ATP2B2: variants seen among roughly 807,000 people sequenced by gnomAD.
The protein encoded by ATP2B2 is plasma membrane calcium-transporting ATPase 2.
In ATP2B2, 15 loss-of-function variants were observed where a neutral mutation model predicts 120.0. That is an observed-to-expected ratio of 0.12 (90% CI 0.08 to 0.19). The LOEUF (loss-of-function observed/expected upper bound fraction) is 0.19. Among genes scored for constraint, ATP2B2 ranks in the 10% least tolerant of loss-of-function variants. The probability of loss-of-function intolerance (pLI) is 1.00; values close to 1 mark genes in which losing one functional copy is unlikely to be tolerated. For missense variants in ATP2B2, 1,045 were observed against 1,719.8 expected (o/e 0.61, Z 6.94); for synonymous variants, 694 against 700.3 (o/e 0.99, Z 0.14).
intron 22 of ATP2B2, among the ~76,000 whole-genome samples, chr3:10,331,711 A>G (rs1407562409): frequency 2.1e-5 from 2 of 95,764 alleles, no homozygotes; most frequent in Non-Finnish European, 4.4e-5. Context: ...TAAAGGTAGG[A>G]ATTTTTTTTT....
At chr3:10,707,938 TGCTGCCGCCGCCGCTGCCGCCGCC>T (rs1207313406) in exon 1 of ATP2B2, 2 of 150,874 alleles carry the variant, frequency 1.3e-5, no homozygotes, top group Non-Finnish European at 3.0e-5. Context: ...GAGAGCGAGA[TGCTGCCGCCGCCGCTGCCGCCGCC>T]GCTGCCGCTG....
intron 3 of ATP2B2, among the ~76,000 whole-genome samples, chr3:10,530,424 G>T (rs2067186799): frequency 1.3e-5 from 2 of 152,218 alleles, no homozygotes; most frequent in Admixed American, 1.3e-4. Context: ...ACGACCTGCG[G>T]CCGGAGTGTC....
intron 19 of ATP2B2, among the ~76,000 whole-genome samples, chr3:10,341,881 A>C (rs2060288971): frequency 6.9e-6 from 1 of 144,534 alleles, no homozygotes; most frequent in Admixed American, 6.7e-5. Flanking sequence ...CTACTTTCAA[A>C]ATTTATAAAA....
intron 1 of ATP2B2, among the ~76,000 whole-genome samples, chr3:10,666,806 G>A (rs2070950978): frequency 6.6e-6 from 1 of 152,236 alleles, no homozygotes; most frequent in Non-Finnish European, 1.5e-5. Context: ...CCCGCCCTGA[G>A]ACCTGCTTTT....
chr3:10,604,168 A>G (rs185041847), intron 2 of ATP2B2, among the ~76,000 whole-genome samples: 1 of 152,238 alleles, frequency 6.6e-6, no homozygotes, highest in East Asian at 1.9e-4. Context: ...ACACTCTCCA[A>G]GTCAATCTCT....
At chr3:10,434,776 G>T (rs1270218108) in intron 2 of ATP2B2, among the ~76,000 whole-genome samples, 1 of 152,248 alleles carries the variant, frequency 6.6e-6, no homozygotes, top group Admixed American at 6.5e-5. Context: ...TAGCCCATGA[G>T]GCCCAGGCCG....
chr3:10,387,890 G>A (rs2061727577), intron 6 of ATP2B2: 1 of 322,270 alleles, frequency 3.1e-6, no homozygotes, highest in Admixed American at 4.1e-5. Context: ...GCTCAGTGGA[G>A]TTGACAATAT....
intron 1 of ATP2B2, among the ~76,000 whole-genome samples, chr3:10,499,287 C>T (rs766717436): frequency 1.3e-5 from 2 of 152,194 alleles, no homozygotes; most frequent in African/African-American, 4.8e-5. Context: ...CTACCTGGAC[C>T]ACACCCGGGC....
In ATP2B2 at chr3:10,347,690, C is replaced by T. The variant is rs1364386299; in HGVS notation, c.2405-1553G>A. On this transcript the variant is annotated intron_variant, in intron 16 of 22. Coordinates refer to ENST00000360273, the MANE Select transcript of ATP2B2 (RefSeq NM_001001331.4). The surrounding 1 kb of genome is among the most constrained non-coding windows in gnomAD (Gnocchi z 5.2). The stretch of plus-strand genomic sequence containing the variant: ...ATAGTTCCCTCAGTCAGCCTGGGGG[C>T]TCCTCCAAGGCAGGGACGGGTCAAA... Among the ~76,000 whole-genome samples, 1 of 152,218 alleles carries T rather than the reference C, an allele frequency of 6.6e-6. No individual in the cohort carries two copies. The highest frequency in any genetic ancestry group is 1.5e-5 in the Non-Finnish European group (1 of 68,032).
chr3:10,410,558 C>G (rs41293355), intron 3 of ATP2B2, 60 bp downstream of exon 3: 27 of 1,522,634 alleles, frequency 1.8e-5, no homozygotes, highest in Non-Finnish European at 2.3e-5. Context: ...TGAGTGCCCC[C>G]CAGCGTGGAT....
At chr3:10,461,625 C>T (rs2064494961) in intron 1 of ATP2B2, among the ~76,000 whole-genome samples, 1 of 152,150 alleles carries the variant, frequency 6.6e-6, no homozygotes, top group African/African-American at 2.4e-5. Flanking sequence ...CTGCAGCCCC[C>T]ACCCTGCAGA....
intron 2 of ATP2B2, among the ~76,000 whole-genome samples, chr3:10,575,055 GA>G (rs765524951): frequency 1.3e-5 from 2 of 152,212 alleles, no homozygotes; most frequent in African/African-American, 2.4e-5. Flanking sequence ...TGGTATTTCT[GA>G]ATCCTTGGTG....
chr3:10,633,372 T>C (rs1039688712), intron 1 of ATP2B2, among the ~76,000 whole-genome samples: 7 of 152,206 alleles, frequency 4.6e-5, no homozygotes, highest in African/African-American at 1.7e-4. Context: ...CCATCCTGGA[T>C]TTGCCGCTCC....
intron 3 of ATP2B2, among the ~76,000 whole-genome samples, chr3:10,525,823 T>C (rs2067079486): frequency 6.6e-6 from 1 of 151,494 alleles, no homozygotes; most frequent in African/African-American, 2.4e-5. Context: ...CATGCCTCAA[T>C]TAAAAAAAAA....
intron 2 of ATP2B2, among the ~76,000 whole-genome samples, chr3:10,601,382 C>T (rs895438477): frequency 6.6e-6 from 1 of 152,140 alleles, no homozygotes; most frequent in African/African-American, 2.4e-5. Flanking sequence ...CAGCCTCAAC[C>T]CCCTGAGTGG....
intron 1 of ATP2B2, among the ~76,000 whole-genome samples, chr3:10,641,097 A>T (rs4293686): frequency 1 from 152,336 of 152,336 alleles, 76,168 homozygotes; most frequent in Non-Finnish European, 1. Flanking sequence ...CCTTGGGACA[A>T]CAATTGAATT....
At chr3:10,386,620 T>C (rs1198515798) in intron 6 of ATP2B2, 108 bp from the exon 7 acceptor site, 4 of 1,222,876 alleles carry the variant, frequency 3.3e-6, no homozygotes, top group African/African-American at 3.0e-5. Flanking sequence ...CACATGGCCA[T>C]ACACCTAGGG....
intron 2 of ATP2B2, among the ~76,000 whole-genome samples, chr3:10,534,898 G>GTTTTTTTT (rs59467255): frequency 9.1e-5 from 8 of 87,724 alleles, no homozygotes; most frequent in Admixed American, 1.4e-4. Context: ...CATTTATTTG[G>GTTTTTTTT]TTTTTTTTTT....
At chr3:10,517,860 A>T (rs1346755433) in intron 3 of ATP2B2, among the ~76,000 whole-genome samples, 1 of 152,202 alleles carries the variant, frequency 6.6e-6, no homozygotes, top group Non-Finnish European at 1.5e-5. Context: ...ACAGACACAG[A>T]GCTTGCTTTC....
Sources: gnomAD v4.1 joint callset for allele counts (sites outside exome capture counted in the v4.1 genomes callset) on GRCh38, gnomAD v4.1.1 for gene constraint, Gnocchi (gnomAD v3.1) non-coding constraint, MANE v1.5 for transcripts, NCBI Gene and HGNC (gene_info 2026-07-23, HGNC 2026-07-21) for gene names.